PPM1B: variants seen among roughly 807,000 people sequenced by gnomAD.
The protein encoded by PPM1B is protein phosphatase, Mg2+/Mn2+ dependent 1B.
A neutral mutation model predicts 43.0 loss-of-function variants in PPM1B; 22 were observed. That is an observed-to-expected ratio of 0.51 (90% CI 0.37 to 0.73). The LOEUF (loss-of-function observed/expected upper bound fraction) is 0.73, where lower values mean the gene tolerates loss of function less well. PPM1B is among the 30% of genes least tolerant of loss of function. The probability of loss-of-function intolerance (pLI) is 0.00; values close to 1 mark genes in which losing one functional copy is unlikely to be tolerated. For synonymous variants in PPM1B, 217 were observed against 197.9 expected, an observed-to-expected ratio of 1.10 and a Z score of -0.81; for missense variants, 632 against 584.2, an observed-to-expected ratio of 1.08 and a Z score of -0.84.
At chr2:44,229,057 C>T (rs903259299) in intron 5 of PPM1B, among the ~76,000 whole-genome samples, 1 of 151,848 alleles carries the variant, frequency 6.6e-6, no homozygotes, top group Non-Finnish European at 1.5e-5. Flanking sequence ...TGTCACATGC[C>T]TGTAATCCCA....
intron 1 of PPM1B, among the ~76,000 whole-genome samples, chr2:44,197,897 T>TTA (rs1352640231): frequency 6.6e-6 from 1 of 152,196 alleles, no homozygotes; most frequent in Admixed American, 6.5e-5. Context: ...TGAGGCATTG[T>TTA]TATCGCTATT....
intron 3 of PPM1B, 77 bp downstream of exon 3, chr2:44,209,404 C>T (rs1027493522): frequency 2.4e-5 from 35 of 1,482,100 alleles, no homozygotes; most frequent in Non-Finnish European, 2.9e-5. Context: ...ACTTTTGTCG[C>T]CTGGGCGACA....
chr2:44,233,334 C>G, downstream of PPM1B: 1 of 981,056 alleles, frequency 1.0e-6, no homozygotes. Context: ...GGTTCAGTAA[C>G]TTTTCATTTT....
At position 44,201,897 on chromosome 2, in the gene PPM1B, A is replaced by G. The variant is rs1668956762; in HGVS notation, c.698A>G (p.Glu233Gly). 1.2e-6 allele frequency: 2 copies of G among 1,614,080 alleles called. No homozygotes were observed. Among genetic ancestry groups the G allele is most frequent in the East Asian group, 2.2e-5 (1 of 44,902 alleles). The change falls in exon 2 of 6, where the codon GAA (glutamate) becomes GGA (glycine). Residue 233 changes from glutamate to glycine, a missense_variant. By Grantham distance (98) the Glu-to-Gly change is moderately conservative. Transcript: ENST00000282412. The surrounding 1 kb of genome is among the most constrained non-coding windows in gnomAD (Gnocchi z 5.4). Reference sequence around the variant, plus strand: ...GAGGTTTATGAAATTTTAAGAGCAGAAGAGGATGAATTTATCATCTTGGCT... The same window carrying G: ...GAGGTTTATGAAATTTTAAGAGCAGGAGAGGATGAATTTATCATCTTGGCT... ...EPEVYEILRAEEDEFIILACD... is the reference protein window; with the variant it reads ...EPEVYEILRAGEDEFIILACD...
intron 5 of PPM1B, 49 bp from the exon 6 acceptor site, chr2:44,230,364 G>A: frequency 6.3e-7 from 1 of 1,590,608 alleles, no homozygotes. Context: ...AAATACATGT[G>A]ATATCCTAGT....
chr2:44,175,262 A>G (rs953757259), intron 1 of PPM1B, among the ~76,000 whole-genome samples: 1 of 152,162 alleles, frequency 6.6e-6, no homozygotes, highest in Non-Finnish European at 1.5e-5. Flanking sequence ...AAAAAAAACA[A>G]AAGTGGGGGT....
intron 1 of PPM1B, among the ~76,000 whole-genome samples, chr2:44,173,014 C>G (rs1667419865): frequency 6.6e-6 from 1 of 152,226 alleles, no homozygotes; most frequent in Non-Finnish European, 1.5e-5. Context: ...TAAAGACTAC[C>G]TAGAAGACTA....
At chr2:44,172,438 CAG>C (rs1461524949) in intron 1 of PPM1B, among the ~76,000 whole-genome samples, 2 of 152,146 alleles carry the variant, frequency 1.3e-5, no homozygotes, top group Admixed American at 6.5e-5. Flanking sequence ...TGCAGAATGA[CAG>C]AACTGATCAT....
chr2:44,236,232 TTAAAAAA>T (rs1670606494), downstream of PPM1B, among the ~76,000 whole-genome samples: 1 of 151,470 alleles, frequency 6.6e-6, no homozygotes, highest in Non-Finnish European at 1.5e-5. Flanking sequence ...CTGTCTCTAC[TTAAAAAA>T]TAAAAATAAA....
At chr2:44,189,815 CT>C (rs1668317056) in intron 1 of PPM1B, among the ~76,000 whole-genome samples, 2 of 152,170 alleles carry the variant, frequency 1.3e-5, no homozygotes, top group South Asian at 4.1e-4. Flanking sequence ...CTTCCAAAGG[CT>C]TTTGATATCT....
chr2:44,202,297 A>C (rs1350404544), intron 2 of PPM1B, among the ~76,000 whole-genome samples: 1 of 152,218 alleles, frequency 6.6e-6, no homozygotes, highest in Non-Finnish European at 1.5e-5. Flanking sequence ...TTGTTGCTGT[A>C]GCAAAAGCAT....
At chr2:44,232,567 A>C, downstream of PPM1B, 2 of 1,388,642 alleles carry the variant, frequency 1.4e-6, no homozygotes, top group Non-Finnish European at 1.9e-6. Context: ...TGCCAACCTC[A>C]GGCATACTCG....
intron 5 of PPM1B, among the ~76,000 whole-genome samples, chr2:44,225,689 C>A (rs1670176270): frequency 1.3e-5 from 2 of 152,268 alleles, no homozygotes; most frequent in East Asian, 1.9e-4. Flanking sequence ...CGGAGTCTCA[C>A]CCTGTCACCG....
At chr2:44,177,242 C>T (rs925126289) in intron 1 of PPM1B, among the ~76,000 whole-genome samples, 1 of 151,990 alleles carries the variant, frequency 6.6e-6, no homozygotes, top group Non-Finnish European at 1.5e-5. Context: ...TTAAAAATAA[C>T]CAAAAACAAC....
downstream of PPM1B, among the ~76,000 whole-genome samples, chr2:44,235,492 A>G (rs1227288754): frequency 1.3e-5 from 2 of 151,086 alleles, no homozygotes; most frequent in East Asian, 3.9e-4. Flanking sequence ...AATCCCAGCT[A>G]CTCGGGAGGC....
In PPM1B at chr2:44,202,062, G is replaced by A; in HGVS notation, c.846+17G>A. The A allele has an allele frequency of 6.7e-7, 1 of 1,488,114 alleles. No homozygotes were observed. The allele number at this position is 1,488,114 out of a possible 1,614,324, so 92.2% of individuals were successfully genotyped here. On this transcript the variant is annotated intron_variant, in intron 2 of 5. Transcript: ENST00000282412. ...TTACACAAGGTATGTAAACTTTTTT[G>A]TCATTAAAATAACATGTTAATTTTG...
chr2:44,244,820 G>GATAGATATATATATATATATATATATAT (rs1553339292), downstream of PPM1B, among the ~76,000 whole-genome samples: 11 of 129,914 alleles, frequency 8.5e-5, no homozygotes, highest in African/African-American at 2.9e-4. Flanking sequence ...AATTACTTGA[G>GATAGATATATATATATATATATATATAT]ATATATATAT....
intron 1 of PPM1B, among the ~76,000 whole-genome samples, chr2:44,173,331 T>C (rs575051822): frequency 2.0e-5 from 3 of 152,262 alleles, no homozygotes; most frequent in Non-Finnish European, 4.4e-5. Flanking sequence ...GATTTAGTTT[T>C]TAGTAACATA....
intron 5 of PPM1B, among the ~76,000 whole-genome samples, chr2:44,222,327 G>A (rs534368497): frequency 6.6e-6 from 1 of 152,202 alleles, no homozygotes; most frequent in South Asian, 2.1e-4. Flanking sequence ...TCTTAAGGCT[G>A]TCCTTAAGTC....
Sources: gnomAD v4.1 joint callset for allele counts (sites outside exome capture counted in the v4.1 genomes callset) on GRCh38, gnomAD v4.1.1 for gene constraint, Gnocchi (gnomAD v3.1) non-coding constraint, MANE v1.5 for transcripts, NCBI Gene and HGNC (gene_info 2026-07-23, HGNC 2026-07-21) for gene names.